MED27: variants seen among roughly 807,000 people sequenced by gnomAD.
The protein encoded by MED27 is mediator complex subunit 27, also known as mediator of RNA polymerase II transcription subunit 27.
Under a neutral mutation model 38.2 loss-of-function variants are expected in MED27, and 30 were observed. The observed-to-expected ratio is 0.79, with a 90% CI of 0.59 to 1.07. The LOEUF is 1.07. Ranked by LOEUF, MED27 falls within the 50% of genes least tolerant of loss-of-function variation. The probability of loss-of-function intolerance (pLI) is 0.00; values close to 1 mark genes in which losing one functional copy is unlikely to be tolerated. For missense variants in MED27, 289 were observed against 397.5 expected (o/e 0.73, Z 2.32); for synonymous variants, 122 against 153.5 (o/e 0.79, Z 1.52).
chr9:132,057,198 C>T (rs1480444092), intron 2 of MED27, among the ~76,000 whole-genome samples: 6 of 152,212 alleles, frequency 3.9e-5, no homozygotes, highest in South Asian at 2.1e-4. Flanking sequence ...GCACACCACC[C>T]GCGGTAATCC....
At chr9:131,954,973 C>T (rs1369418021) in intron 3 of MED27, among the ~76,000 whole-genome samples, 1 of 152,044 alleles carries the variant, frequency 6.6e-6, no homozygotes, top group Non-Finnish European at 1.5e-5. Context: ...AGGGTTAACC[C>T]AATGACATAT....
intron 2 of MED27, among the ~76,000 whole-genome samples, chr9:132,076,372 C>G (rs2131173797): frequency 6.6e-6 from 1 of 152,226 alleles, no homozygotes; most frequent in South Asian, 2.1e-4. Flanking sequence ...GGTTCAAGTT[C>G]TTTCTTTAGT....
chr9:132,005,673 G>A (rs1359818674), intron 3 of MED27, among the ~76,000 whole-genome samples: 1 of 152,104 alleles, frequency 6.6e-6, no homozygotes. Context: ...TCCCAATACG[G>A]GTAACCCTTG....
intron 2 of MED27, among the ~76,000 whole-genome samples, chr9:132,074,415 T>C (rs1014102421): frequency 2.6e-5 from 4 of 152,230 alleles, no homozygotes; most frequent in Non-Finnish European, 5.9e-5. Context: ...GTTCATCTCA[T>C]AATGGATGGG....
At chr9:131,960,928 C>T (rs1482394837) in intron 3 of MED27, among the ~76,000 whole-genome samples, 2 of 152,092 alleles carry the variant, frequency 1.3e-5, no homozygotes, top group South Asian at 2.1e-4. Flanking sequence ...TTAGGCAAAA[C>T]GTAACAATGG....
chr9:131,920,674 G>A (rs1269559528), intron 4 of MED27, among the ~76,000 whole-genome samples: 2 of 152,190 alleles, frequency 1.3e-5, no homozygotes, highest in African/African-American at 2.4e-5. Flanking sequence ...GTAGTCAGTT[G>A]CACTTGGTGG....
chr9:131,930,458 T>C (rs995076286), intron 4 of MED27, among the ~76,000 whole-genome samples: 9 of 152,286 alleles, frequency 5.9e-5, no homozygotes, highest in African/African-American at 2.2e-4. Flanking sequence ...GAGAGTGGCA[T>C]GGCATATTTG....
intron 4 of MED27, among the ~76,000 whole-genome samples, chr9:131,924,450 G>T (rs768490470): frequency 2.6e-4 from 39 of 151,898 alleles, no homozygotes; most frequent in Non-Finnish European, 5.7e-4. Flanking sequence ...ATATTTTTAT[G>T]ATTTAAAAAA....
At chr9:131,903,882 C>G (rs1046843087) in intron 4 of MED27, among the ~76,000 whole-genome samples, 1 of 146,630 alleles carries the variant, frequency 6.8e-6, no homozygotes, top group Admixed American at 7.0e-5. Context: ...CATGCGCCAC[C>G]ACACACAGCT....
intron 2 of MED27, among the ~76,000 whole-genome samples, chr9:132,033,230 A>T (rs1257057683): frequency 6.6e-6 from 1 of 152,228 alleles, no homozygotes; most frequent in East Asian, 1.9e-4. Context: ...TAAAGGGCAC[A>T]GGTTAACAAT....
rs1838675967 is a variant in MED27 at position 131,862,941 on chromosome 9, C to T, written c.801+122G>A. 5.5e-6 allele frequency: 4 copies of T among 722,614 alleles called. No individual in the cohort carries two copies. The African/African-American group carries it at 7.0e-5, about 13-fold the overall frequency. The allele number at this position is 722,614 out of a possible 1,614,324, so 44.8% of individuals were successfully genotyped here. A position where few individuals can be genotyped will look rare whatever the true frequency, so the allele number is the denominator to read the frequency against. On this transcript the variant is annotated intron_variant, in intron 7 of 7. Transcript: ENST00000292035. This position sits in a 1 kb window ranked among gnomAD's most constrained non-coding sequence, Gnocchi z 4.6. The stretch of plus-strand genomic sequence containing the variant: ...GAAAGTAGCAGTTTTAAACTGGCAG[C>T]CCCATCTCCCACTGGGAGGCCCTCA...
At chr9:131,934,587 G>A (rs1247951414) in intron 4 of MED27, among the ~76,000 whole-genome samples, 1 of 152,180 alleles carries the variant, frequency 6.6e-6, no homozygotes, top group East Asian at 1.9e-4. Context: ...GTGGAGAAAA[G>A]AGAACCCTTG....
intron 2 of MED27, among the ~76,000 whole-genome samples, chr9:132,050,292 G>C (rs1833434724): frequency 6.6e-6 from 1 of 152,196 alleles, no homozygotes. Context: ...ATGTTCCAAG[G>C]ACAGAAAATG....
intron 6 of MED27, 61 bp from the exon 7 acceptor site, chr9:131,863,201 C>G: frequency 7.3e-7 from 1 of 1,372,852 alleles, no homozygotes; most frequent in Non-Finnish European, 1.0e-6. Context: ...AGAAAACAAG[C>G]AGGACAAATG....
intron 2 of MED27, among the ~76,000 whole-genome samples, chr9:132,025,467 C>T (rs972929287): frequency 6.6e-6 from 1 of 152,202 alleles, no homozygotes; most frequent in Admixed American, 6.5e-5. Flanking sequence ...CAGGCGTGAG[C>T]CACCGCGCCC....
intron 2 of MED27, among the ~76,000 whole-genome samples, chr9:132,067,060 G>A (rs1007974951): frequency 3.3e-5 from 5 of 152,234 alleles, no homozygotes; most frequent in Non-Finnish European, 5.9e-5. Context: ...GACCGAGGAA[G>A]AGACTCAGAG....
chr9:132,039,791 GAA>G (rs1271189435), intron 2 of MED27, among the ~76,000 whole-genome samples: 1 of 152,130 alleles, frequency 6.6e-6, no homozygotes, highest in Non-Finnish European at 1.5e-5. Flanking sequence ...GCCCTGGGGA[GAA>G]AAAGACACTC....
At chr9:131,950,526 T>C (rs1830974713) in intron 3 of MED27, among the ~76,000 whole-genome samples, 1 of 152,308 alleles carries the variant, frequency 6.6e-6, no homozygotes, top group Non-Finnish European at 1.5e-5. Context: ...TTCCATTTGA[T>C]TTTTTTAACG....
At chr9:132,062,339 A>G (rs1009214573) in intron 2 of MED27, among the ~76,000 whole-genome samples, 1 of 152,274 alleles carries the variant, frequency 6.6e-6, no homozygotes, top group Non-Finnish European at 1.5e-5. Context: ...GCAGAAGCAC[A>G]TAGGAGGGCT....
Sources: allele counts gnomAD v4.1 joint callset (sites outside exome capture counted in the v4.1 genomes callset), GRCh38; gene constraint gnomAD v4.1.1; non-coding constraint Gnocchi (gnomAD v3.1); transcripts MANE v1.5; gene names NCBI Gene and HGNC (gene_info 2026-07-23, HGNC 2026-07-21).